KRT4: variants seen among roughly 807,000 people sequenced by gnomAD.
KRT4 encodes the protein keratin, type II cytoskeletal 4.
KRT4 carries 47 observed loss-of-function variants against 50.6 expected under a neutral mutation model. That is an observed-to-expected ratio of 0.93 (90% CI 0.73 to 1.18). The LOEUF (loss-of-function observed/expected upper bound fraction) is 1.18. Among genes scored for constraint, KRT4 ranks in the 50% most tolerant of loss-of-function variants. The pLI, the probability that KRT4 is intolerant of heterozygous loss-of-function variation, is 0.00. For missense variants in KRT4, 651 were observed against 645.7 expected, an observed-to-expected ratio of 1.01 and a Z score of -0.09; for synonymous variants, 254 against 251.2, an observed-to-expected ratio of 1.01 and a Z score of -0.10.
At chr12:52,812,423 G>A (rs775924569) in intron 1 of KRT4, among the ~76,000 whole-genome samples, 1 of 152,198 alleles carries the variant, frequency 6.6e-6, no homozygotes, top group South Asian at 2.1e-4. Flanking sequence ...CAATGGATCT[G>A]GCGTGTCCCT....
At position 52,813,734 on chromosome 12, in the gene KRT4, T is replaced by G; in HGVS notation, c.325A>C (p.Ile109Leu). Residue 109 changes from isoleucine to leucine, a missense_variant, in exon 1 of 9, where the codon ATT (isoleucine) becomes CTT (leucine). Transcript: ENST00000551956. The stretch of plus-strand genomic sequence containing the variant: ...CTCTGGTTGATGGTGACCTCCTGAA[T>G]TCCCCCAGCGGGGCAGACGGGGAAG... ...PGFPVCPAGG[I>L]QEVTINQSLL... 1 of 1,070,568 alleles carries G rather than the reference T, an allele frequency of 9.3e-7. No individual in the cohort carries two copies. The allele number at this position is 1,070,568 out of a possible 1,614,324, so 66.3% of individuals were successfully genotyped here.
chr12:52,811,732 A>T, intron 2 of KRT4, 31 bp downstream of exon 2: 1 of 1,566,820 alleles, frequency 6.4e-7, no homozygotes, highest in Non-Finnish European at 8.8e-7. Context: ...CACATGTGTC[A>T]GATGGCGTCC....
chr12:52,811,794 T>C lies in KRT4; in HGVS notation c.646A>G (p.Met216Val), dbSNP rs375473166. 4 of 1,613,662 alleles carry C rather than the reference T, an allele frequency of 2.5e-6. No individual in the cohort carries two copies. Among genetic ancestry groups the C allele is most frequent in the Non-Finnish European group, 2.5e-6 (3 of 1,179,978 alleles). Residue 216 changes from methionine (M) to valine (V), a missense_variant, in exon 2 of 9, where the codon ATG becomes GTG. Physicochemically the swap from Met to Val is conservative, Grantham distance 21. Coordinates refer to ENST00000551956, the MANE Select transcript of KRT4 (RefSeq NM_002272.4). The part of the protein sequence containing the change: ...KGRLQSELKT[M>V]QDSVEDFKTK... ...TTGAAGTCCTCCACGCTGTCCTGCA[T>C]GGTCTTCAGCTCAGACTGCAGGCGC...
rs546884677 is a variant in KRT4 at position 52,806,802 on chromosome 12, C to T, written c.*267G>A. 40 of 547,670 alleles carry T rather than the reference C, an allele frequency of 7.3e-5. 1 individual carries two copies. Among genetic ancestry groups the T allele is most frequent in the Non-Finnish European group, 1.2e-4 (35 of 302,944 alleles). 33.9% of individuals were successfully genotyped at this position (547,670 alleles called of 1,614,324 possible). A position where few individuals can be genotyped will look rare whatever the true frequency, so the allele number is the denominator to read the frequency against. On this transcript the variant is annotated 3_prime_UTR_variant, in exon 9 of 9. Transcript: ENST00000551956. ...ACTCCTGGTCATTTTCTTCTCTGTC[C>T]ATGGGAGGTGAGAGGTCAGCTGACA... is the stretch of plus-strand genomic sequence containing the variant.
chr12:52,807,545 C>A (rs959888709), intron 7 of KRT4, 99 bp downstream of exon 7: 16 of 1,502,210 alleles, frequency 1.1e-5, no homozygotes, highest in Non-Finnish European at 1.4e-5. Flanking sequence ...CGTAATGCAC[C>A]GGCACAACAC....
In KRT4 at chr12:52,814,021, C is replaced by T. The variant is rs367746866; in HGVS notation, c.38G>A (p.Arg13Gln). Residue 13 changes from arginine (R) to glutamine (Q), a missense_variant, in exon 1 of 9, where the codon CGG becomes CAG. Arg to Gln is a conservative substitution (Grantham distance 43). Transcript: ENST00000551956. ...AATGGCCGAGCCACAGCTGAAGCCC[C>T]GGGGCCCGCCTCGGACACACTGCTG... ...ARQQCVRGGP[R>Q]GFSCGSAIVG... The T allele has an allele frequency of 4.0e-5, 65 of 1,613,808 alleles. No homozygotes were observed. The African/African-American group carries it at 6.7e-4, about 17-fold the overall frequency.
rs988811367 is a variant in KRT4, at chr12:52,811,954, A to G, written c.486T>C (p.Asn162=). The part of the protein sequence containing the change: ...IDKVQFLEQQ[N]KVLETKWNLL... ...GGTTCCATTTGGTCTCCAGGACCTT[A>G]TTCTGTTGCTCTAAGAACTGCACCT... The change falls in exon 2 of 9, where the codon AAT becomes AAC. Residue 162 remains asparagine, a synonymous_variant. Coordinates refer to ENST00000551956, the MANE Select transcript of KRT4 (RefSeq NM_002272.4). The G allele has an allele frequency of 6.2e-7, 1 of 1,613,752 alleles. No individual in the cohort carries two copies. The highest frequency in any genetic ancestry group is 8.5e-7 in the Non-Finnish European group (1 of 1,179,934).
chr12:52,808,746 G>A lies in KRT4; in HGVS notation c.939C>T (p.Ala313=). The A allele has an allele frequency of 6.2e-7, 1 of 1,614,146 alleles. No homozygotes were observed. The highest frequency in any genetic ancestry group is 8.5e-7 in the Non-Finnish European group (1 of 1,180,032). ...TCCTCTGGGCAATCTCCTCGTACTG[G>A]GCACGGACCTCGGCAATAATGCTGT... ...DLDSIIAEVR[A]QYEEIAQRSK... Residue 313 remains alanine, a synonymous_variant, in exon 5 of 9, where the codon GCC becomes GCT. Coordinates refer to ENST00000551956, the MANE Select transcript of KRT4 (RefSeq NM_002272.4).
intron 4 of KRT4, 110 bp from the exon 5 acceptor site, chr12:52,808,960 C>T: frequency 8.5e-7 from 1 of 1,180,588 alleles, no homozygotes; most frequent in Non-Finnish European, 1.3e-6. Flanking sequence ...AGGGGAGAGA[C>T]AGGTAAAGTT....
chr12:52,808,884 G>A, intron 4 of KRT4, 34 bp from the exon 5 acceptor site: 1 of 1,613,004 alleles, frequency 6.2e-7, no homozygotes, highest in Non-Finnish European at 8.5e-7. Context: ...AGCCCCCCCA[G>A]GAAAGCCTTC....
In KRT4 at chr12:52,808,223, C is replaced by T; in HGVS notation, c.1125+71G>A. On this transcript the variant is annotated intron_variant, in intron 6 of 8. Transcript: ENST00000551956. The stretch of plus-strand genomic sequence containing the variant: ...GTCTTCTGGCCTGATGCTTTATCTG[C>T]TTGTCCACTCTGGAGATGTCTGCCT... 3 of 1,582,756 alleles carry T rather than the reference C, an allele frequency of 1.9e-6. No individual in the cohort carries two copies. In the East Asian group the frequency reaches 6.7e-5, roughly 35 times the overall value.
Position 52,813,600 on chromosome 12 carries a change from G to C in KRT4, c.459C>G (p.Asp153Glu). Residue 153 changes from aspartate to glutamate, a missense_variant, in exon 1 of 9, where the codon GAC (aspartate) becomes GAG (glutamate). Physicochemically the swap from Asp to Glu is conservative, Grantham distance 45. Coordinates refer to ENST00000551956, the MANE Select transcript of KRT4 (RefSeq NM_002272.4). ...LLNNKFASFIDKVQFLEQQNK... is the reference protein window; with the variant it reads ...LLNNKFASFIEKVQFLEQQNK... ...TCCAGCCGAGGACACAGCTCACCTT[G>C]TCGATGAAGGAGGCAAACTTGTTGT... is the stretch of plus-strand genomic sequence containing the variant. The C allele has an allele frequency of 6.2e-7, 1 of 1,613,648 alleles. No individual in the cohort carries two copies. Among genetic ancestry groups the C allele is most frequent in the Non-Finnish European group, 8.5e-7 (1 of 1,179,706 alleles).
Position 52,807,511 on chromosome 12 carries a change from C to T in KRT4, c.1347-118G>A, listed in dbSNP as rs1592308947. 26 of 1,486,100 alleles carry T rather than the reference C, an allele frequency of 1.7e-5. 1 individual carries two copies. In the East Asian group the frequency reaches 5.9e-4, roughly 34 times the overall value. The allele number at this position is 1,486,100 out of a possible 1,614,324, so 92.1% of individuals were successfully genotyped here. ...TCTGAGTTTGAGGGCCCAGTGTGAA[C>T]CTATTAGCTGAGCTGTCCTGGTTCG... On this transcript the variant is annotated intron_variant, in intron 7 of 8. Coordinates refer to ENST00000551956, the MANE Select transcript of KRT4 (RefSeq NM_002272.4).
In KRT4 at chr12:52,813,908, T is replaced by C; in HGVS notation, c.151A>G (p.Ser51Gly). The part of the protein sequence containing the change: ...RCSSGGFGSR[S>G]LYNLRGNKSI... ...TTGTTCCCCCTGAGGTTGTAGAGGC[T>C]TCTGCTGCCAAATCCCCCAGAAGAG... The change falls in exon 1 of 9, where the codon AGC (serine) becomes GGC (glycine). Residue 51 changes from serine to glycine, a missense_variant. Physicochemically the swap from Ser to Gly is moderately conservative, Grantham distance 56. Transcript: ENST00000551956. 7.9e-7 allele frequency: 1 copy of C among 1,270,778 alleles called. No homozygotes were observed. The highest frequency in any genetic ancestry group is 1.0e-6 in the Non-Finnish European group (1 of 996,436). The allele number at this position is 1,270,778 out of a possible 1,614,324, so 78.7% of individuals were successfully genotyped here. A position where few individuals can be genotyped will look rare whatever the true frequency, so the allele number is the denominator to read the frequency against.
chr12:52,812,120 G>A, intron 1 of KRT4, 143 bp from the exon 2 acceptor site: 2 of 707,728 alleles, frequency 2.8e-6, no homozygotes, highest in Non-Finnish European at 5.1e-6. Flanking sequence ...TGCATCTCCA[G>A]GGCACCATTC....
chr12:52,812,177 G>A (rs1939925803), intron 1 of KRT4, among the ~76,000 whole-genome samples, 200 bp from the exon 2 acceptor site: 2 of 152,156 alleles, frequency 1.3e-5, no homozygotes, highest in South Asian at 4.1e-4. Flanking sequence ...TAGCACCAAG[G>A]GGTCACATAG....
rs75270653 is a variant in KRT4, at chr12:52,809,235, C to T, written c.834+148G>A. The stretch of plus-strand genomic sequence containing the variant: ...AATCTCCCAGTTGAATTTCCCACTT[C>T]AAACCTTTCTATGCATGACCTTGAT... On this transcript the variant is annotated intron_variant, in intron 4 of 8. Transcript: ENST00000551956. 6,115 of 730,630 alleles carry T rather than the reference C, an allele frequency of 8.4e-3. 46 individuals are homozygous for T. The highest frequency in any genetic ancestry group is 0.013 in the Admixed American group (667 of 50,256). The allele number at this position is 730,630 out of a possible 1,614,324, so 45.3% of individuals were successfully genotyped here.
In KRT4 at chr12:52,806,957, A is replaced by C; in HGVS notation, c.*112T>G. On this transcript the variant is annotated 3_prime_UTR_variant, in exon 9 of 9. Transcript: ENST00000551956. The stretch of plus-strand genomic sequence containing the variant: ...GAGAGCCCATGGGATAGTGGAGGGG[A>C]TACTAGTAAGATGAGCCCCAGAGAC... 1 of 995,162 alleles carries C rather than the reference A, an allele frequency of 1.0e-6. No individual in the cohort carries two copies. Among genetic ancestry groups the C allele is most frequent in the Non-Finnish European group, 1.6e-6 (1 of 635,768 alleles). 61.6% of individuals were successfully genotyped at this position (995,162 alleles called of 1,614,324 possible).
Position 52,806,601 on chromosome 12 carries a change from A to C in KRT4, c.*468T>G. 4.7e-6 allele frequency: 1 copy of C among 214,594 alleles called. No individual in the cohort carries two copies. The highest frequency in any genetic ancestry group is 9.5e-6 in the Non-Finnish European group (1 of 105,214). The allele number at this position is 214,594 out of a possible 1,614,324, so 13.3% of individuals were successfully genotyped here. A position where few individuals can be genotyped will look rare whatever the true frequency, so the allele number is the denominator to read the frequency against. On this transcript the variant is annotated 3_prime_UTR_variant, in exon 9 of 9. Coordinates refer to ENST00000551956, the MANE Select transcript of KRT4 (RefSeq NM_002272.4). ...TTCACCTGCAGATGGATAAGAGGGA[A>C]TGAGAGGAGTAGAATGGGACACTAA... is the stretch of plus-strand genomic sequence containing the variant.
Sources: allele counts gnomAD v4.1 joint callset (sites outside exome capture counted in the v4.1 genomes callset), GRCh38; gene constraint gnomAD v4.1.1; transcripts MANE v1.5; gene names NCBI Gene and HGNC (gene_info 2026-07-23, HGNC 2026-07-21).